Variants in ENG observed in about 807,000 individuals in gnomAD.
ENG encodes endoglin, also known as CD105 antigen.
ENG carries 17 observed loss-of-function variants against 71.0 expected under a neutral mutation model. The ratio of observed to expected loss-of-function variants is 0.24; its 90% CI spans 0.16 to 0.36. The LOEUF (loss-of-function observed/expected upper bound fraction) is 0.36, where lower values mean the gene tolerates loss of function less well. ENG is among the 10% of genes least tolerant of loss of function. The probability of loss-of-function intolerance (pLI) is 1.00; values close to 1 mark genes in which losing one functional copy is unlikely to be tolerated. For synonymous variants in ENG, 360 were observed against 366.9 expected (o/e 0.98, Z 0.21); for missense variants, 749 against 868.3 (o/e 0.86, Z 1.73).
intron 10 of ENG, chr9:127,819,263 T>C (rs1160985429): frequency 1.0e-4 from 33 of 325,054 alleles, no homozygotes; most frequent in Non-Finnish European, 1.0e-4. Context: ...AACTAATATT[T>C]ATCAAGGAGG....
Position 127,836,243 on chromosome 9 carries a change from G to T in ENG, c.220-6416C>A, listed in dbSNP as rs768254688. Among the ~76,000 whole-genome samples, 34 of 152,236 alleles carry T rather than the reference G, an allele frequency of 2.2e-4. No homozygotes were observed. The highest frequency in any genetic ancestry group is 4.1e-4 in the Non-Finnish European group (28 of 68,006). ...TTCCTCATGGGACCCTGGGAATTCC[G>T]CAGTCTGGCCAGCCCCTCACCCCCA... On this transcript the variant is annotated intron_variant, in intron 2 of 14. Transcript: ENST00000373203. This position sits in a 1 kb window ranked among gnomAD's most constrained non-coding sequence, Gnocchi z 4.0.
chr9:127,842,732 C>T (rs923349305), intron 2 of ENG, among the ~76,000 whole-genome samples: 3 of 152,140 alleles, frequency 2.0e-5, no homozygotes, highest in Non-Finnish European at 4.4e-5. Flanking sequence ...CCAAGAAGCA[C>T]TTTTCAAAGT....
intron 1 of ENG, among the ~76,000 whole-genome samples, chr9:127,853,140 G>A (rs1397822944): frequency 6.6e-6 from 1 of 152,142 alleles, no homozygotes; most frequent in Non-Finnish European, 1.5e-5. Context: ...GGAGCCGCAG[G>A]CCGGGAGTCA....
chr9:127,832,185 C>T (rs1420072679), intron 2 of ENG, among the ~76,000 whole-genome samples: 2 of 150,752 alleles, frequency 1.3e-5, no homozygotes, highest in African/African-American at 4.9e-5. Flanking sequence ...AGCAATTCTC[C>T]TGCCTCAGCA....
Position 127,840,872 on chromosome 9 carries a change from A to C in ENG, c.219+2222T>G, listed in dbSNP as rs77576506. On this transcript the variant is annotated intron_variant, in intron 2 of 14. Coordinates refer to ENST00000373203, the MANE Select transcript of ENG (RefSeq NM_001114753.3). ...TAACAGGGAGATTTTGTTGTCATGA[A>C]CTCAAGGATCCTTGGAATATGGCAT... is the stretch of plus-strand genomic sequence containing the variant. Among the ~76,000 whole-genome samples the C allele has an allele frequency of 9.1e-3, 1,390 of 152,202 alleles. 57 individuals carry two copies. In the East Asian group the frequency reaches 0.12, roughly 13 times the overall value.
chr9:127,847,252 C>T (rs1588599915), intron 1 of ENG: 1 of 152,232 alleles, frequency 6.6e-6, no homozygotes, highest in Non-Finnish European at 1.5e-5. Flanking sequence ...ACCAGCTGCC[C>T]GAGGTGACCC....
intron 3 of ENG, among the ~76,000 whole-genome samples, chr9:127,828,065 T>C (rs77500886): frequency 0.021 from 3,097 of 147,534 alleles, 104 homozygotes; most frequent in African/African-American, 0.074. Flanking sequence ...CTGCCTCGGC[T>C]TACCAAAGTG....
chr9:127,815,868 T>G (rs1412211264), intron 14 of ENG, 62 bp from the exon 15 acceptor site: 37 of 1,556,864 alleles, frequency 2.4e-5, no homozygotes, highest in Non-Finnish European at 3.1e-5. Flanking sequence ...CCTCAATCCC[T>G]CAGAGGCTTC....
intron 12 of ENG, 123 bp from the exon 13 acceptor site, chr9:127,817,326 G>C: frequency 1.1e-6 from 1 of 929,696 alleles, no homozygotes; most frequent in Non-Finnish European, 1.7e-6. Flanking sequence ...CCACCGCTTC[G>C]TAGCTGGATG....
intron 2 of ENG, among the ~76,000 whole-genome samples, chr9:127,831,636 C>T (rs570492655): frequency 1.4e-4 from 21 of 151,480 alleles, no homozygotes; most frequent in South Asian, 1.0e-3. Context: ...CCACCTGCCT[C>T]GGCCTCCCAA....
intron 3 of ENG, among the ~76,000 whole-genome samples, chr9:127,828,396 C>A (rs1357771668): frequency 6.6e-6 from 1 of 152,178 alleles, no homozygotes; most frequent in African/African-American, 2.4e-5. Context: ...ACCGAGGCCG[C>A]GCCTTGGCCT....
intron 1 of ENG, among the ~76,000 whole-genome samples, chr9:127,844,391 T>C (rs1361252772): frequency 6.6e-6 from 1 of 152,080 alleles, no homozygotes; most frequent in Non-Finnish European, 1.5e-5. Context: ...CCTCCCAAAG[T>C]GCTAGGATTA....
rs781518626 is a variant in ENG at position 127,819,995 on chromosome 9, T to C, written c.1177A>G (p.Ser393Gly). 2 of 1,614,176 alleles carry C rather than the reference T, an allele frequency of 1.2e-6. No individual in the cohort carries two copies. The highest frequency in any genetic ancestry group is 1.1e-5 in the South Asian group (1 of 91,086). Residue 393 changes from serine (S) to glycine (G), a missense_variant, in exon 9 of 15, where the codon AGC becomes GGC. By Grantham distance (56) the Ser-to-Gly change is moderately conservative. Coordinates refer to ENST00000373203, the MANE Select transcript of ENG (RefSeq NM_001114753.3). The part of the protein sequence containing the change: ...TITGLTFWDP[S>G]CEAEDRGDKF... ...TCACCCCTGTCCTCTGCCTCACAGCTGGGGTCCCAGAAGGTCAGGCCCGTG... is the reference window on the plus strand; with the variant it reads ...TCACCCCTGTCCTCTGCCTCACAGCCGGGGTCCCAGAAGGTCAGGCCCGTG...
chr9:127,849,889 G>A (rs1040162056), intron 1 of ENG, among the ~76,000 whole-genome samples: 2 of 152,224 alleles, frequency 1.3e-5, no homozygotes, highest in African/African-American at 4.8e-5. Flanking sequence ...GTCAAATGGG[G>A]GCAGAAAGAG....
Position 127,846,835 on chromosome 9 carries a change from C to T in ENG, c.68-3590G>A. On this transcript the variant is annotated intron_variant, in intron 1 of 14. Coordinates refer to ENST00000373203, the MANE Select transcript of ENG (RefSeq NM_001114753.3). The surrounding 1 kb of genome is among the most constrained non-coding windows in gnomAD (Gnocchi z 5.5). ...CCGCTGGGGGCCTGGGTGACTGGAACCCCAAGTGAGAGACCCAGAAGCCAC... is the reference window on the plus strand; with the variant it reads ...CCGCTGGGGGCCTGGGTGACTGGAATCCCAAGTGAGAGACCCAGAAGCCAC... 1 of 983,526 alleles carries T rather than the reference C, an allele frequency of 1.0e-6. No homozygotes were observed. The highest frequency in any genetic ancestry group is 4.7e-5 in the South Asian group (1 of 21,256). The allele number at this position is 983,526 out of a possible 1,614,324, so 60.9% of individuals were successfully genotyped here.
chr9:127,818,188 G>A lies in ENG; in HGVS notation c.1618C>T (p.Pro540Ser), dbSNP rs755367205. The A allele has an allele frequency of 1.2e-6, 2 of 1,614,128 alleles. No individual in the cohort carries two copies. The highest frequency in any genetic ancestry group is 1.7e-6 in the Non-Finnish European group (2 of 1,180,054). Residue 540 changes from proline to serine, a missense_variant, in exon 12 of 15, where the codon CCC (proline) becomes TCC (serine). Transcript: ENST00000373203. ...FSFLLHFYTV[P>S]IPKTGTLSCT... ...CTGAGGGTGCCGGTTTTGGGTATGGGTACTGTGTAGAAGTGGAGGAGGAAG... is the reference window on the plus strand; with the variant it reads ...CTGAGGGTGCCGGTTTTGGGTATGGATACTGTGTAGAAGTGGAGGAGGAAG...
At position 127,824,981 on chromosome 9, in the gene ENG, G is replaced by A; in HGVS notation, c.817-7C>T. The A allele has an allele frequency of 6.2e-7, 1 of 1,612,132 alleles. No individual in the cohort carries two copies. Among genetic ancestry groups the A allele is most frequent in the Non-Finnish European group, 8.5e-7 (1 of 1,179,716 alleles). Reference sequence around the variant, plus strand: ...AGGAGTATTCTCCAGTGGTCTAATGGTGGGGAGAGAGGCAGAACAGGGGGC... The same window carrying A: ...AGGAGTATTCTCCAGTGGTCTAATGATGGGGAGAGAGGCAGAACAGGGGGC... On this transcript the variant is annotated splice_polypyrimidine_tract_variant and splice_region_variant and intron_variant, in intron 6 of 14. Transcript: ENST00000373203.
At chr9:127,820,669 A>T (rs1282232275) in intron 8 of ENG, among the ~76,000 whole-genome samples, 1 of 151,402 alleles carries the variant, frequency 6.6e-6, no homozygotes, top group East Asian at 2.0e-4. Flanking sequence ...TCTACTAAAA[A>T]TACAAAAAAA....
At chr9:127,818,039 G>A in intron 12 of ENG, 81 bp downstream of exon 12, 1 of 1,606,970 alleles carries the variant, frequency 6.2e-7, no homozygotes, top group Non-Finnish European at 8.5e-7. Flanking sequence ...CCACATCCCT[G>A]TGGGCTGCCA....
Sources: allele counts gnomAD v4.1 joint callset (sites outside exome capture counted in the v4.1 genomes callset), GRCh38; gene constraint gnomAD v4.1.1; non-coding constraint Gnocchi (gnomAD v3.1); transcripts MANE v1.5; gene names NCBI Gene and HGNC (gene_info 2026-07-23, HGNC 2026-07-21).